PNPLA8: variants seen among roughly 807,000 people sequenced by gnomAD.
The protein encoded by PNPLA8 is calcium-independent phospholipase A2-gamma.
In PNPLA8, 39 loss-of-function variants were observed where a neutral mutation model predicts 76.9. The observed-to-expected ratio is 0.51, with a 90% CI of 0.39 to 0.66. The LOEUF is 0.66. Among genes scored for constraint, PNPLA8 ranks in the 30% least tolerant of loss-of-function variants. The pLI is 0.00. For synonymous variants in PNPLA8, 301 were observed against 307.9 expected, an observed-to-expected ratio of 0.98 and a Z score of 0.24; for missense variants, 887 against 918.0, an observed-to-expected ratio of 0.97 and a Z score of 0.44.
At chr7:108,474,935 C>T (rs1438439198) in intron 10 of PNPLA8, among the ~76,000 whole-genome samples, 1 of 152,136 alleles carries the variant, frequency 6.6e-6, no homozygotes. Flanking sequence ...CCATGGGCTG[C>T]ACAGCAGGGG....
At chr7:108,526,834 C>A (rs977369263), upstream of PNPLA8, among the ~76,000 whole-genome samples, 1 of 152,172 alleles carries the variant, frequency 6.6e-6, no homozygotes, top group African/African-American at 2.4e-5. Flanking sequence ...TCCAGCCCAC[C>A]GCAGGTTCTG....
chr7:108,495,317 T>C (rs1861472893), intron 7 of PNPLA8, among the ~76,000 whole-genome samples: 1 of 152,176 alleles, frequency 6.6e-6, no homozygotes, highest in South Asian at 2.1e-4. Context: ...AAGAGAGGAT[T>C]TGTTAAATAA....
intron 4 of PNPLA8, among the ~76,000 whole-genome samples, chr7:108,503,425 CAA>C (rs1204265628): frequency 1.3e-5 from 2 of 152,120 alleles, no homozygotes; most frequent in Admixed American, 6.5e-5. Context: ...TTTTTATGAT[CAA>C]TCAACCTGAA....
intron 9 of PNPLA8, among the ~76,000 whole-genome samples, chr7:108,480,483 G>A (rs900522700): frequency 1.3e-5 from 2 of 152,126 alleles, no homozygotes; most frequent in African/African-American, 2.4e-5. Flanking sequence ...CCAGTTAACC[G>A]TCCGCTGAGT....
chr7:108,500,483 T>C (rs968619348), intron 5 of PNPLA8, among the ~76,000 whole-genome samples: 7 of 152,344 alleles, frequency 4.6e-5, no homozygotes, highest in South Asian at 2.1e-4. Context: ...TTATATTAAA[T>C]ATGTTCAAGA....
Position 108,471,868 on chromosome 7 carries a change from C to T in PNPLA8, c.*533G>A, listed in dbSNP as rs527420266. ...TCTTTTTTATGTCAAATGTAAAATA[C>T]TTTAATAGAGAAAATTCCATTTTTC... On this transcript the variant is annotated 3_prime_UTR_variant, in exon 11 of 11. Coordinates refer to ENST00000257694, the MANE Select transcript of PNPLA8 (RefSeq NM_001256007.3). 6.6e-6 allele frequency: 1 copy of T among 152,084 alleles called. No individual in the cohort carries two copies. Among genetic ancestry groups the T allele is most frequent in the Non-Finnish European group, 1.5e-5 (1 of 67,984 alleles). The allele number at this position is 152,084 out of a possible 1,614,324, so 9.4% of individuals were successfully genotyped here.
intron 4 of PNPLA8, among the ~76,000 whole-genome samples, chr7:108,513,208 T>C (rs2154516603): frequency 6.6e-6 from 1 of 152,292 alleles, no homozygotes; most frequent in East Asian, 1.9e-4. Context: ...TTTCAGTATA[T>C]CACTGAAATG....
At chr7:108,513,746 TAG>T (rs1563980337) in intron 4 of PNPLA8, among the ~76,000 whole-genome samples, 1 of 152,128 alleles carries the variant, frequency 6.6e-6, no homozygotes, top group Non-Finnish European at 1.5e-5. Context: ...TTCAAATTTT[TAG>T]ACTTTCAAAT....
chr7:108,521,245 T>C (rs1863718746), intron 2 of PNPLA8, among the ~76,000 whole-genome samples: 1 of 152,138 alleles, frequency 6.6e-6, no homozygotes, highest in Non-Finnish European at 1.5e-5. Context: ...AAAAGAGAAC[T>C]GTACCAAGAA....
At chr7:108,484,205 C>T (rs1328080040) in intron 9 of PNPLA8, among the ~76,000 whole-genome samples, 1 of 152,138 alleles carries the variant, frequency 6.6e-6, no homozygotes, top group Non-Finnish European at 1.5e-5. Flanking sequence ...TTCAACTTTA[C>T]TCACTTTTTA....
chr7:108,475,739 T>TA (rs1333956555), intron 10 of PNPLA8, among the ~76,000 whole-genome samples: 3 of 152,146 alleles, frequency 2.0e-5, no homozygotes, highest in African/African-American at 7.2e-5. Context: ...ATAGAAACTA[T>TA]GCTATAGTGT....
intron 5 of PNPLA8, among the ~76,000 whole-genome samples, chr7:108,498,133 C>CA (rs58243908): frequency 0.027 from 3,605 of 133,622 alleles, 61 homozygotes; most frequent in African/African-American, 0.04. Flanking sequence ...AAACAAAAAA[C>CA]AAAAAAAAAA....
At position 108,470,840 on chromosome 7, in the gene PNPLA8, G is replaced by C. The variant is rs1235224981; in HGVS notation, c.*1561C>G. The C allele has an allele frequency of 6.6e-6, 1 of 152,108 alleles. No individual in the cohort carries two copies. Among genetic ancestry groups the C allele is most frequent in the Non-Finnish European group, 1.5e-5 (1 of 68,020 alleles). The allele number at this position is 152,108 out of a possible 1,614,324, so 9.4% of individuals were successfully genotyped here. A position where few individuals can be genotyped will look rare whatever the true frequency, so the allele number is the denominator to read the frequency against. Reference sequence around the variant, plus strand: ...ACAAATGAGATATGCAAAGCCTACAGACATTTGCCTTCCTCAAGGTAACAA... The same window carrying C: ...ACAAATGAGATATGCAAAGCCTACACACATTTGCCTTCCTCAAGGTAACAA... On this transcript the variant is annotated 3_prime_UTR_variant, in exon 11 of 11. Transcript: ENST00000257694.
At position 108,514,950 on chromosome 7, in the gene PNPLA8, T is replaced by C. The variant is rs1417484982; in HGVS notation, c.542A>G (p.Glu181Gly). 1.2e-6 allele frequency: 2 copies of C among 1,609,486 alleles called. No individual in the cohort carries two copies. The highest frequency in any genetic ancestry group is 1.7e-6 in the Non-Finnish European group (2 of 1,179,278). ...AAGACTGCGTTTACCTATATCTTCTTCTTTGTCTATAATGTGACTTTTCTC... is the reference window on the plus strand; with the variant it reads ...AAGACTGCGTTTACCTATATCTTCTCCTTTGTCTATAATGTGACTTTTCTC... ...PEEKSHIIDKEEDIGKRSLFH... is the reference protein window; with the variant it reads ...PEEKSHIIDKGEDIGKRSLFH... The change falls in exon 3 of 11, where the codon GAA becomes GGA. Residue 181 changes from glutamate (E) to glycine (G), a missense_variant. Coordinates refer to ENST00000257694, the MANE Select transcript of PNPLA8 (RefSeq NM_001256007.3).
intron 10 of PNPLA8, among the ~76,000 whole-genome samples, chr7:108,475,358 C>T (rs148343778): frequency 6.6e-6 from 1 of 152,220 alleles, no homozygotes; most frequent in South Asian, 2.1e-4. Flanking sequence ...CTATCTTCCA[C>T]GAAACCAGTC....
At chr7:108,524,083 G>A (rs1326271932) in intron 1 of PNPLA8, among the ~76,000 whole-genome samples, 1 of 152,164 alleles carries the variant, frequency 6.6e-6, no homozygotes, top group African/African-American at 2.4e-5. Context: ...AAATGGAAAT[G>A]TACACAGACT....
At chr7:108,510,241 T>A in intron 4 of PNPLA8, 1 of 1,398,574 alleles carries the variant, frequency 7.2e-7, no homozygotes, top group Non-Finnish European at 9.9e-7. Flanking sequence ...CCATGGTGGG[T>A]GTAGAAGAGA....
intron 4 of PNPLA8, chr7:108,510,559 G>C: frequency 7.0e-7 from 1 of 1,438,110 alleles, no homozygotes. Flanking sequence ...AGGTGTTGCA[G>C]CTTCTTCGCC....
intron 2 of PNPLA8, among the ~76,000 whole-genome samples, chr7:108,519,453 G>A (rs1351887566): frequency 1.3e-5 from 2 of 152,142 alleles, no homozygotes; most frequent in African/African-American, 4.8e-5. Context: ...ATTACATGTA[G>A]TCTAGTTTTA....
Sources: gnomAD v4.1 joint callset for allele counts (sites outside exome capture counted in the v4.1 genomes callset) on GRCh38, gnomAD v4.1.1 for gene constraint, MANE v1.5 for transcripts, NCBI Gene and HGNC (gene_info 2026-07-23, HGNC 2026-07-21) for gene names.